Variants in RFTN2 observed in about 807,000 individuals in gnomAD.
RFTN2 encodes the protein raftlin-2.
A neutral mutation model predicts 52.7 loss-of-function variants in RFTN2; 34 were observed. That is an observed-to-expected ratio of 0.64 (90% CI 0.49 to 0.86). The LOEUF is 0.86. Ranked by LOEUF, RFTN2 falls within the 40% of genes least tolerant of loss-of-function variation. RFTN2 has a pLI of 0.00. For missense variants in RFTN2, 536 were observed against 600.1 expected (o/e 0.89, Z 1.12); for synonymous variants, 203 against 217.7 (o/e 0.93, Z 0.59).
intron 3 of RFTN2, among the ~76,000 whole-genome samples, chr2:197,635,759 A>G (rs1487204188): frequency 5.6e-3 from 613 of 110,198 alleles, no homozygotes; most frequent in South Asian, 0.011. Context: ...CCATTTGTCA[A>G]TTTTGTCTTT....
At chr2:197,664,270 C>T (rs893910203) in intron 1 of RFTN2, among the ~76,000 whole-genome samples, 3 of 151,582 alleles carry the variant, frequency 2.0e-5, no homozygotes, top group Admixed American at 2.0e-4. Context: ...GTCAGGAGTT[C>T]AAGACCAGCC....
chr2:197,640,890 A>G (rs1004315602), intron 3 of RFTN2, among the ~76,000 whole-genome samples: 5 of 151,914 alleles, frequency 3.3e-5, no homozygotes, highest in South Asian at 2.1e-4. Context: ...TCTTTGTTCT[A>G]TTTTCTTCAT....
chr2:197,670,664 G>A (rs1464574695), intron 1 of RFTN2, among the ~76,000 whole-genome samples: 1 of 152,012 alleles, frequency 6.6e-6, no homozygotes, highest in Admixed American at 6.5e-5. Flanking sequence ...GACAGAGTGA[G>A]ACCCTGTCTC....
At chr2:197,614,377 C>T (rs1316887857) in intron 7 of RFTN2, among the ~76,000 whole-genome samples, 1 of 152,084 alleles carries the variant, frequency 6.6e-6, no homozygotes, top group Non-Finnish European at 1.5e-5. Context: ...GACGGTCAAA[C>T]TCCGGAAGAT....
chr2:197,594,973 G>C (rs774689223), intron 8 of RFTN2, among the ~76,000 whole-genome samples: 2 of 152,176 alleles, frequency 1.3e-5, no homozygotes, highest in Non-Finnish European at 2.9e-5. Context: ...ATAAAACAAC[G>C]TTTTCTTGAT....
chr2:197,635,145 A>T (rs1462064937), intron 3 of RFTN2, among the ~76,000 whole-genome samples: 1 of 152,106 alleles, frequency 6.6e-6, no homozygotes, highest in East Asian at 1.9e-4. Flanking sequence ...ATTGTTGGAC[A>T]TTTGGGTTGG....
Position 197,652,943 on chromosome 2 carries a change from C to T in RFTN2, c.140-6277G>A, listed in dbSNP as rs144871067. ...AAGCCAAGAGTTAATCTAATGTGAT[C>T]GTTGGCTATCTGGAAAAAAATTACC... On this transcript the variant is annotated intron_variant, in intron 1 of 8. Coordinates refer to ENST00000295049, the MANE Select transcript of RFTN2 (RefSeq NM_144629.3). Among the ~76,000 whole-genome samples the T allele has an allele frequency of 7.2e-5, 11 of 152,306 alleles. No homozygotes were observed. In the East Asian group the frequency reaches 7.7e-4, roughly 11 times the overall value.
intron 8 of RFTN2, among the ~76,000 whole-genome samples, chr2:197,591,542 C>A (rs534624092): frequency 6.6e-6 from 1 of 152,218 alleles, no homozygotes; most frequent in East Asian, 1.9e-4. Flanking sequence ...GCCAGTCCCG[C>A]GCAGTGTGCC....
intron 8 of RFTN2, among the ~76,000 whole-genome samples, chr2:197,574,309 G>A (rs1290564867): frequency 6.6e-6 from 1 of 152,204 alleles, no homozygotes; most frequent in Non-Finnish European, 1.5e-5. Context: ...GTGTGACCTG[G>A]ATGTTAGGGA....
intron 1 of RFTN2, among the ~76,000 whole-genome samples, chr2:197,667,187 T>C (rs1367578464): frequency 6.6e-6 from 1 of 152,136 alleles, no homozygotes; most frequent in African/African-American, 2.4e-5. Flanking sequence ...GGTTTCACCA[T>C]GTTGGCCAGG....
intron 5 of RFTN2, among the ~76,000 whole-genome samples, chr2:197,622,871 G>C (rs1406204552): frequency 6.6e-6 from 1 of 152,194 alleles, no homozygotes; most frequent in African/African-American, 2.4e-5. Flanking sequence ...CTGGATGACA[G>C]CACATCTGTT....
chr2:197,653,739 CA>C (rs1459956390), intron 1 of RFTN2, among the ~76,000 whole-genome samples: 1 of 151,658 alleles, frequency 6.6e-6, no homozygotes, highest in Admixed American at 6.6e-5. Context: ...CTCAATTTAC[CA>C]AAAAAAAGTT....
rs11891750 is a variant in RFTN2, at chr2:197,569,595, G to C, written c.*2413C>G. 6.6e-6 allele frequency: 1 copy of C among 151,848 alleles called. No individual in the cohort carries two copies. The highest frequency in any genetic ancestry group is 1.5e-5 in the Non-Finnish European group (1 of 67,984). 9.4% of individuals were successfully genotyped at this position (151,848 alleles called of 1,614,324 possible). ...GAAATAACTCAGATTAAAAATAAAC[G>C]GGAGGGGAGAAAAAAATAAACTGAG... On this transcript the variant is annotated 3_prime_UTR_variant, in exon 9 of 9. Coordinates refer to ENST00000295049, the MANE Select transcript of RFTN2 (RefSeq NM_144629.3).
At chr2:197,664,152 G>A (rs1252475629) in intron 1 of RFTN2, among the ~76,000 whole-genome samples, 1 of 152,032 alleles carries the variant, frequency 6.6e-6, no homozygotes, top group Non-Finnish European at 1.5e-5. Context: ...TGTGGTCTGA[G>A]AAGACATTTG....
intron 8 of RFTN2, among the ~76,000 whole-genome samples, chr2:197,573,053 A>T (rs1412205621): frequency 6.6e-6 from 1 of 150,690 alleles, no homozygotes; most frequent in East Asian, 2.0e-4. Flanking sequence ...GTATGTCTTT[A>T]TTAGCAGGAT....
intron 1 of RFTN2, among the ~76,000 whole-genome samples, chr2:197,650,656 A>G (rs1468858728): frequency 6.6e-6 from 1 of 152,226 alleles, no homozygotes; most frequent in Non-Finnish European, 1.5e-5. Context: ...ATAATATTCC[A>G]TTGAATATAT....
chr2:197,664,434 C>T (rs971068848), intron 1 of RFTN2, among the ~76,000 whole-genome samples: 3 of 151,010 alleles, frequency 2.0e-5, no homozygotes, highest in African/African-American at 7.3e-5. Flanking sequence ...CATGATTGTG[C>T]CACTGTACTC....
chr2:197,613,480 C>T (rs1256343030), intron 7 of RFTN2, among the ~76,000 whole-genome samples: 1 of 152,200 alleles, frequency 6.6e-6, no homozygotes, highest in Non-Finnish European at 1.5e-5. Flanking sequence ...CATAACCATT[C>T]CTCTAGTGTC....
At chr2:197,619,343 C>A (rs1013101648) in intron 5 of RFTN2, among the ~76,000 whole-genome samples, 1 of 152,066 alleles carries the variant, frequency 6.6e-6, no homozygotes, top group Non-Finnish European at 1.5e-5. Flanking sequence ...GGATGGTTGC[C>A]GTGTCTGTGT....
Sources: allele counts gnomAD v4.1 joint callset (sites outside exome capture counted in the v4.1 genomes callset), GRCh38; gene constraint gnomAD v4.1.1; transcripts MANE v1.5; gene names NCBI Gene and HGNC (gene_info 2026-07-23, HGNC 2026-07-21).